RBCK1: variants seen among roughly 807,000 people sequenced by gnomAD.
RBCK1 encodes the protein RANBP2-type and C3HC4-type zinc finger containing 1, also known as ranBP-type and C3HC4-type zinc finger-containing protein 1.
In RBCK1, 44 loss-of-function variants were observed where a neutral mutation model predicts 71.1. That is an observed-to-expected ratio of 0.62 (90% CI 0.49 to 0.80). The LOEUF (loss-of-function observed/expected upper bound fraction) is 0.80. Ranked by LOEUF, RBCK1 falls within the 30% of genes least tolerant of loss-of-function variation. The probability of loss-of-function intolerance (pLI) is 0.00; values close to 1 mark genes in which losing one functional copy is unlikely to be tolerated. For missense variants in RBCK1, 569 were observed against 685.0 expected, an observed-to-expected ratio of 0.83 and a Z score of 1.89; for synonymous variants, 306 against 279.7, an observed-to-expected ratio of 1.09 and a Z score of -0.94.
intron 2 of RBCK1, among the ~76,000 whole-genome samples, chr20:411,023 ATC>A (rs1211434316): frequency 6.6e-6 from 1 of 152,074 alleles, no homozygotes; most frequent in Non-Finnish European, 1.5e-5. Flanking sequence ...GCCAGTCCTC[ATC>A]TCTCTACCTT....
chr20:425,307 A>T (rs571132743), intron 8 of RBCK1, among the ~76,000 whole-genome samples: 89 of 152,124 alleles, frequency 5.9e-4, no homozygotes, highest in Middle Eastern at 3.2e-3. Context: ...CACCGTGCCC[A>T]GCCAGATATG....
At chr20:413,553 T>C (rs1003529165) in intron 2 of RBCK1, among the ~76,000 whole-genome samples, 1 of 152,228 alleles carries the variant, frequency 6.6e-6, no homozygotes, top group African/African-American at 2.4e-5. Flanking sequence ...GACTTCCACT[T>C]GATCCCCTGA....
chr20:421,927 T>G, intron 7 of RBCK1, 200 bp from the exon 8 acceptor site: 1 of 549,404 alleles, frequency 1.8e-6, no homozygotes, highest in Non-Finnish European at 3.2e-6. Context: ...GACCAGAGAA[T>G]CAGAGCGGCA....
Position 418,462 on chromosome 20 carries a change from G to A in RBCK1, c.460+532G>A, listed in dbSNP as rs186728931. On this transcript the variant is annotated intron_variant, in intron 4 of 11. Coordinates refer to ENST00000356286, the MANE Select transcript of RBCK1 (RefSeq NM_031229.4). ...CGGCTCACTGCAAGCTCCGACTCCC[G>A]GGTTCACGCCATTCTCCTGCCTCAG... 1.9e-3 allele frequency among the ~76,000 whole-genome samples: 286 copies of A among 152,054 alleles called. 5 individuals carry two copies. Among genetic ancestry groups the A allele is most frequent in the East Asian group, 1.7e-3 (9 of 5,158 alleles).
Position 417,475 on chromosome 20 carries a change from A to G in RBCK1, c.168-51A>G. 6.5e-7 allele frequency: 1 copy of G among 1,547,830 alleles called. No homozygotes were observed. The highest frequency in any genetic ancestry group is 8.9e-7 in the Non-Finnish European group (1 of 1,122,674). On this transcript the variant is annotated intron_variant, in intron 2 of 11. Transcript: ENST00000356286. The surrounding 1 kb of genome is among the most constrained non-coding windows in gnomAD (Gnocchi z 4.7). Reference sequence around the variant, plus strand: ...TGTACATGTCTGTAGCCGGTGGCTGAGGCTGGACCCCTGGCCAGAGCCCAT... The same window carrying G: ...TGTACATGTCTGTAGCCGGTGGCTGGGGCTGGACCCCTGGCCAGAGCCCAT...
intron 4 of RBCK1, among the ~76,000 whole-genome samples, chr20:418,340 T>C (rs2016118638): frequency 6.6e-6 from 1 of 152,296 alleles, no homozygotes; most frequent in African/African-American, 2.4e-5. Context: ...AGAATTCCCA[T>C]GTACCTTTCA....
chr20:419,057 C>T (rs1193152908), intron 4 of RBCK1, among the ~76,000 whole-genome samples: 3 of 152,232 alleles, frequency 2.0e-5, no homozygotes, highest in African/African-American at 7.2e-5. Flanking sequence ...AGGACCGCCT[C>T]AGCGGTGCTC....
chr20:427,548 C>G, intron 9 of RBCK1, 56 bp downstream of exon 9: 1 of 1,581,928 alleles, frequency 6.3e-7, no homozygotes, highest in Non-Finnish European at 8.6e-7. Flanking sequence ...CTGGAGCTCA[C>G]CACACTGCAG....
intron 4 of RBCK1, among the ~76,000 whole-genome samples, chr20:418,375 C>T (rs1213934789): frequency 2.0e-5 from 3 of 148,134 alleles, no homozygotes; most frequent in East Asian, 2.0e-4. Context: ...CATGTGCTTT[C>T]TTTTTTTTTT....
At chr20:416,561 A>G (rs2016004491) in intron 2 of RBCK1, among the ~76,000 whole-genome samples, 1 of 152,038 alleles carries the variant, frequency 6.6e-6, no homozygotes, top group Non-Finnish European at 1.5e-5. Flanking sequence ...ACTGTTGCTT[A>G]TTGTTCCATA....
Position 417,377 on chromosome 20 carries a change from C to A in RBCK1, c.168-149C>A. ...AATAAAGGAAGAAGCATGGGTGGGG[C>A]CTACCCCAGACTGGGGTTTGTGTGT... On this transcript the variant is annotated intron_variant, in intron 2 of 11. Transcript: ENST00000356286. This position sits in a 1 kb window ranked among gnomAD's most constrained non-coding sequence, Gnocchi z 4.7. The A allele has an allele frequency of 1.3e-6, 1 of 786,014 alleles. No homozygotes were observed. The highest frequency in any genetic ancestry group is 2.3e-6 in the Non-Finnish European group (1 of 440,474). 48.7% of individuals were successfully genotyped at this position (786,014 alleles called of 1,614,324 possible).
rs1031466010 is a variant in RBCK1 at position 428,933 on chromosome 20, G to C, written c.1309-18G>C. On this transcript the variant is annotated intron_variant, in intron 10 of 11. Coordinates refer to ENST00000356286, the MANE Select transcript of RBCK1 (RefSeq NM_031229.4). This position sits in a 1 kb window ranked among gnomAD's most constrained non-coding sequence, Gnocchi z 5.7. ...CTGCCCCAGCCCCGCCCCAGGGCCA[G>C]CACCTGCCCCACTCCAGGTGATGCT... 3.7e-5 allele frequency: 59 copies of C among 1,597,582 alleles called. No homozygotes were observed. Among genetic ancestry groups the C allele is most frequent in the Non-Finnish European group, 4.8e-5 (56 of 1,175,288 alleles).
At chr20:410,423 T>A (rs1223710799) in intron 2 of RBCK1, 4 of 779,492 alleles carry the variant, frequency 5.1e-6, no homozygotes, top group Non-Finnish European at 9.6e-6. Context: ...TTCCTCATGG[T>A]GCAAAATGGC....
intron 6 of RBCK1, chr20:419,954 C>T (rs543326130): frequency 1.7e-5 from 17 of 985,254 alleles, no homozygotes; most frequent in African/African-American, 1.4e-4. Context: ...CTGGCTGTGG[C>T]GCACATCCAG....
At chr20:421,267 T>TG (rs1555786388) in intron 7 of RBCK1, among the ~76,000 whole-genome samples, 2 of 152,158 alleles carry the variant, frequency 1.3e-5, no homozygotes, top group African/African-American at 4.8e-5. Context: ...AGCGCAGGCG[T>TG]GGGGGGAGAC....
chr20:427,869 A>AC (rs1237627988), intron 9 of RBCK1, among the ~76,000 whole-genome samples: 1 of 152,080 alleles, frequency 6.6e-6, no homozygotes, highest in Non-Finnish European at 1.5e-5. Flanking sequence ...GTGGTCCCAT[A>AC]TTCAGCTCAG....
intron 2 of RBCK1, among the ~76,000 whole-genome samples, chr20:412,143 G>C (rs1440271886): frequency 6.6e-6 from 1 of 151,226 alleles, no homozygotes; most frequent in Non-Finnish European, 1.5e-5. Context: ...TCTAATACTT[G>C]TTGTTGTTTA....
chr20:427,404 C>T lies in RBCK1; in HGVS notation c.1121C>T (p.Pro374Leu). 6.2e-7 allele frequency: 1 copy of T among 1,614,158 alleles called. No homozygotes were observed. Among genetic ancestry groups the T allele is most frequent in the Non-Finnish European group, 8.5e-7 (1 of 1,180,014 alleles). ...RSAFSYHCKT[P>L]DCKGWCFFED... ...GCCTTCAGCTACCATTGCAAGACCC[C>T]AGATTGCAAGGGATGGTGCTTCTTT... Residue 374 changes from proline (P) to leucine (L), a missense_variant, in exon 9 of 12, where the codon CCA (proline) becomes CTA (leucine). Coordinates refer to ENST00000356286, the MANE Select transcript of RBCK1 (RefSeq NM_031229.4).
intron 9 of RBCK1, among the ~76,000 whole-genome samples, chr20:427,784 A>G (rs1382102896): frequency 6.6e-6 from 1 of 152,070 alleles, no homozygotes; most frequent in African/African-American, 2.4e-5. Context: ...TCCCAGTCCC[A>G]CATTGAGCCC....
Sources: allele counts gnomAD v4.1 joint callset (sites outside exome capture counted in the v4.1 genomes callset), GRCh38; gene constraint gnomAD v4.1.1; non-coding constraint Gnocchi (gnomAD v3.1); transcripts MANE v1.5; gene names NCBI Gene and HGNC (gene_info 2026-07-23, HGNC 2026-07-21).